GPC6: variants seen among roughly 807,000 people sequenced by gnomAD.
The protein encoded by GPC6 is glypican 6.
In GPC6, 14 loss-of-function variants were observed where a neutral mutation model predicts 55.2. The ratio of observed to expected loss-of-function variants is 0.25; its 90% CI spans 0.17 to 0.40. The LOEUF (loss-of-function observed/expected upper bound fraction) is 0.40, where lower values mean the gene tolerates loss of function less well. Among genes scored for constraint, GPC6 ranks in the 10% least tolerant of loss-of-function variants. GPC6 has a pLI of 1.00. For synonymous variants in GPC6, 278 were observed against 259.6 expected, an observed-to-expected ratio of 1.07 and a Z score of -0.68; for missense variants, 641 against 708.5, an observed-to-expected ratio of 0.90 and a Z score of 1.08.
Position 94,280,596 on chromosome 13 carries a change from C to T in GPC6, c.878-5753C>T, listed in dbSNP as rs1892351148. ...TTAATCAGCCTATACATAAACACTGCAGCCATGTTTTTCTTTTTCTTTTTC... is the reference window on the plus strand; with the variant it reads ...TTAATCAGCCTATACATAAACACTGTAGCCATGTTTTTCTTTTTCTTTTTC... On this transcript the variant is annotated intron_variant, in intron 4 of 8. Coordinates refer to ENST00000377047, the MANE Select transcript of GPC6 (RefSeq NM_005708.5). Among the ~76,000 whole-genome samples, 4 of 152,206 alleles carry T rather than the reference C, an allele frequency of 2.6e-5. No individual in the cohort carries two copies. The South Asian group carries it at 8.3e-4, about 31-fold the overall frequency.
intron 1 of GPC6, among the ~76,000 whole-genome samples, chr13:93,344,366 T>C (rs1480555151): frequency 6.6e-6 from 1 of 152,180 alleles, no homozygotes; most frequent in Admixed American, 6.5e-5. Flanking sequence ...CAAGGCAGGC[T>C]TTTTCTTGGA....
At chr13:93,655,201 G>A (rs1880610556) in intron 2 of GPC6, among the ~76,000 whole-genome samples, 1 of 151,926 alleles carries the variant, frequency 6.6e-6, no homozygotes, top group African/African-American at 2.4e-5. Flanking sequence ...ATGCATCTGT[G>A]GCTGAATATT....
At position 94,098,819 on chromosome 13, in the gene GPC6, AAG is replaced by A. The variant is rs529750514; in HGVS notation, c.877+70928_877+70929del. On this transcript the variant is annotated intron_variant, in intron 4 of 8. Transcript: ENST00000377047. Reference sequence around the variant, plus strand: ...AAAGCAAAATATTTGACGGGACAATAAGAGTATTATATATATATTATTTCTTG... The same window carrying A: ...AAAGCAAAATATTTGACGGGACAATAAGTATTATATATATATTATTTCTTG... 3.3e-5 allele frequency among the ~76,000 whole-genome samples: 5 copies of A among 152,292 alleles called. No individual in the cohort carries two copies. In the South Asian group the frequency reaches 1.0e-3, roughly 32 times the overall value.
chr13:94,195,069 C>G lies in GPC6; in HGVS notation c.878-91280C>G, dbSNP rs915951062. Among the ~76,000 whole-genome samples the G allele has an allele frequency of 7.2e-5, 11 of 152,122 alleles. No homozygotes were observed. In the East Asian group the frequency reaches 9.6e-4, roughly 13 times the overall value. ...GTTTTATTCTTTTCAAAATAAGAAG[C>G]CTGTTTTCCTACCTTCTTTGTGACT... On this transcript the variant is annotated intron_variant, in intron 4 of 8. Transcript: ENST00000377047.
intron 2 of GPC6, among the ~76,000 whole-genome samples, chr13:93,781,608 G>A (rs968132455): frequency 6.6e-6 from 1 of 152,138 alleles, no homozygotes; most frequent in African/African-American, 2.4e-5. Flanking sequence ...AAGGCCATTA[G>A]TGAAATCAGA....
chr13:94,359,365 G>A (rs1878950238), intron 6 of GPC6, among the ~76,000 whole-genome samples: 1 of 152,088 alleles, frequency 6.6e-6, no homozygotes, highest in African/African-American at 2.4e-5. Context: ...GGATCACCAT[G>A]GCATAGTATA....
chr13:94,372,342 G>T (rs1021326114), intron 6 of GPC6, among the ~76,000 whole-genome samples: 23 of 152,294 alleles, frequency 1.5e-4, no homozygotes, highest in Admixed American at 8.5e-4. Flanking sequence ...GTGGGCGCAG[G>T]TCAGTGGGTG....
At chr13:94,318,296 G>A (rs1288919083) in intron 6 of GPC6, among the ~76,000 whole-genome samples, 1 of 151,946 alleles carries the variant, frequency 6.6e-6, no homozygotes, top group African/African-American at 2.4e-5. Flanking sequence ...TTTATCCATG[G>A]AGGCTATGTT....
At chr13:93,825,605 C>T (rs1254295968) in intron 2 of GPC6, among the ~76,000 whole-genome samples, 3 of 152,158 alleles carry the variant, frequency 2.0e-5, no homozygotes, top group African/African-American at 4.8e-5. Flanking sequence ...CCTTCATTAA[C>T]GCTCCTCATT....
chr13:94,035,192 T>C (rs1883292811), intron 4 of GPC6, among the ~76,000 whole-genome samples: 1 of 152,116 alleles, frequency 6.6e-6, no homozygotes, highest in Non-Finnish European at 1.5e-5. Context: ...GACATTTGAC[T>C]TTAATAACAT....
At position 94,133,238 on chromosome 13, in the gene GPC6, A is replaced by G. The variant is rs1039749889; in HGVS notation, c.877+105344A>G. ...CCCATGTTTGTGAACCAGCAAGTAC[A>G]TGCCCACCATACAGGTACTGACCAG... is the stretch of plus-strand genomic sequence containing the variant. On this transcript the variant is annotated intron_variant, in intron 4 of 8. Transcript: ENST00000377047. Among the ~76,000 whole-genome samples, 6 of 145,956 alleles carry G rather than the reference A, an allele frequency of 4.1e-5. No homozygotes were observed. In the South Asian group the frequency reaches 8.8e-4, roughly 21 times the overall value.
At chr13:94,097,870 T>C (rs1281565564) in intron 4 of GPC6, among the ~76,000 whole-genome samples, 1 of 152,224 alleles carries the variant, frequency 6.6e-6, no homozygotes, top group Non-Finnish European at 1.5e-5. Context: ...CACAGACCTA[T>C]TGACTACTAC....
At chr13:93,393,649 TCTC>T (rs1875735994) in intron 1 of GPC6, among the ~76,000 whole-genome samples, 1 of 152,120 alleles carries the variant, frequency 6.6e-6, no homozygotes, top group East Asian at 1.9e-4. Context: ...TCTCTCTCTC[TCTC>T]TTTTTTCTTT....
intron 2 of GPC6, among the ~76,000 whole-genome samples, chr13:93,723,324 C>T (rs534307830): frequency 1.5e-4 from 23 of 151,992 alleles, no homozygotes; most frequent in Middle Eastern, 3.4e-3. Flanking sequence ...CTATGGGAGG[C>T]AGTTTCTGAT....
At chr13:93,723,472 T>G (rs999873386) in intron 2 of GPC6, among the ~76,000 whole-genome samples, 10 of 151,958 alleles carry the variant, frequency 6.6e-5, no homozygotes, top group African/African-American at 2.4e-4. Context: ...CACATCAGAT[T>G]GCAAAAACTG....
intron 1 of GPC6, among the ~76,000 whole-genome samples, chr13:93,464,958 C>T (rs181427542): frequency 3.4e-4 from 52 of 152,302 alleles, no homozygotes; most frequent in Non-Finnish European, 6.9e-4. Flanking sequence ...ACATGTACCT[C>T]TCTGTCCACC....
intron 4 of GPC6, among the ~76,000 whole-genome samples, chr13:94,040,659 T>C (rs1883498907): frequency 6.6e-6 from 1 of 151,852 alleles, no homozygotes; most frequent in African/African-American, 2.4e-5. Context: ...CTGAGAACGA[T>C]GATTTCAGGT....
chr13:93,519,971 G>C (rs571932491), intron 1 of GPC6, among the ~76,000 whole-genome samples: 1 of 151,896 alleles, frequency 6.6e-6, no homozygotes, highest in African/African-American at 2.4e-5. Flanking sequence ...ACTATTCTCT[G>C]CAAGACTTAT....
intron 2 of GPC6, among the ~76,000 whole-genome samples, chr13:93,682,364 C>T (rs530514829): frequency 1.3e-5 from 2 of 152,120 alleles, no homozygotes; most frequent in Non-Finnish European, 1.5e-5. Context: ...CTGGGATGCC[C>T]CCATCCAGCC....
Sources: gnomAD v4.1 joint callset for allele counts (sites outside exome capture counted in the v4.1 genomes callset) on GRCh38, gnomAD v4.1.1 for gene constraint, MANE v1.5 for transcripts, NCBI Gene and HGNC (gene_info 2026-07-23, HGNC 2026-07-21) for gene names.